Variants in MAPKAPK5 observed in about 807,000 individuals in gnomAD.
MAPKAPK5 encodes the protein MAPK activated protein kinase 5.
Under a neutral mutation model 65.1 loss-of-function variants are expected in MAPKAPK5, and 30 were observed. The observed-to-expected ratio is 0.46, with a 90% CI of 0.34 to 0.63. The LOEUF (loss-of-function observed/expected upper bound fraction) is 0.63. MAPKAPK5 is among the 20% of genes least tolerant of loss of function. MAPKAPK5 has a pLI of 0.01. For synonymous variants in MAPKAPK5, 179 were observed against 204.6 expected (o/e 0.87, Z 1.07); for missense variants, 433 against 581.4 (o/e 0.74, Z 2.63).
chr12:111,864,659 T>C (rs1263528681), intron 1 of MAPKAPK5, among the ~76,000 whole-genome samples: 1 of 152,236 alleles, frequency 6.6e-6, no homozygotes, highest in African/African-American at 2.4e-5. Flanking sequence ...TTGAAAGTTA[T>C]TTATATCAGA....
chr12:111,885,706 TC>T (rs2070377671), intron 9 of MAPKAPK5: 3 of 531,422 alleles, frequency 5.6e-6, no homozygotes, highest in Admixed American at 6.4e-5. Context: ...CATTTTAATC[TC>T]ACTTTTTCCA....
At chr12:111,880,974 ACC>A (rs2070185958) in intron 8 of MAPKAPK5, among the ~76,000 whole-genome samples, 1 of 152,162 alleles carries the variant, frequency 6.6e-6, no homozygotes, top group Admixed American at 6.5e-5. Context: ...ATTCTTTGTT[ACC>A]CCATAAAACA....
At chr12:111,844,202 T>A (rs935432301) in intron 1 of MAPKAPK5, among the ~76,000 whole-genome samples, 1 of 151,508 alleles carries the variant, frequency 6.6e-6, no homozygotes, top group Non-Finnish European at 1.5e-5. Context: ...GTTTTGTTTT[T>A]TTTTTTGAGT....
At chr12:111,885,478 G>A (rs1351569399) in intron 9 of MAPKAPK5, 2 of 155,076 alleles carry the variant, frequency 1.3e-5, no homozygotes, top group Non-Finnish European at 2.9e-5. Context: ...TTTATATTGG[G>A]TAGCAACCTG....
In MAPKAPK5 at chr12:111,898,917, G is replaced by A. The variant is rs937394222; in HGVS notation, c.*5856G>A. Reference sequence around the variant, plus strand: ...GATATCAAGTTGTGTGGCCTGAGCTGAGGATAAAGAATAATTTGCCTGAGG... The same window carrying A: ...GATATCAAGTTGTGTGGCCTGAGCTAAGGATAAAGAATAATTTGCCTGAGG... On this transcript the variant is annotated 3_prime_UTR_variant, in exon 14 of 14. Coordinates refer to ENST00000550735, the MANE Select transcript of MAPKAPK5 (RefSeq NM_003668.4). 6.6e-6 allele frequency: 1 copy of A among 151,056 alleles called. No individual in the cohort carries two copies. The highest frequency in any genetic ancestry group is 1.5e-5 in the Non-Finnish European group (1 of 67,970). The allele number at this position is 151,056 out of a possible 1,614,324, so 9.4% of individuals were successfully genotyped here. A position where few individuals can be genotyped will look rare whatever the true frequency, so the allele number is the denominator to read the frequency against.
At chr12:111,853,714 T>C (rs1213857683) in intron 1 of MAPKAPK5, among the ~76,000 whole-genome samples, 2 of 152,066 alleles carry the variant, frequency 1.3e-5, no homozygotes, top group African/African-American at 2.4e-5. Context: ...TTTATCTGTT[T>C]AGTAGAGATG....
At chr12:111,882,101 C>A (rs1205127845) in intron 8 of MAPKAPK5, among the ~76,000 whole-genome samples, 2 of 152,186 alleles carry the variant, frequency 1.3e-5, no homozygotes, top group Non-Finnish European at 2.9e-5. Context: ...CATGGGCAGG[C>A]CTGGCGCAGT....
intron 7 of MAPKAPK5, among the ~76,000 whole-genome samples, chr12:111,878,627 G>A (rs181363832): frequency 6.6e-6 from 1 of 152,002 alleles, no homozygotes; most frequent in African/African-American, 2.4e-5. Context: ...CACCATGTTA[G>A]CCAGGATAGT....
chr12:111,876,759 T>C (rs1209977205), intron 7 of MAPKAPK5, among the ~76,000 whole-genome samples: 3 of 152,110 alleles, frequency 2.0e-5, no homozygotes, highest in Non-Finnish European at 4.4e-5. Context: ...TCATCCTTTT[T>C]TTTCTTTCTG....
chr12:111,891,676 A>G (rs571634487), intron 13 of MAPKAPK5, among the ~76,000 whole-genome samples: 26 of 150,656 alleles, frequency 1.7e-4, no homozygotes, highest in Middle Eastern at 3.5e-3. Flanking sequence ...GCATGGTGGC[A>G]TGCGCCTGTA....
rs778121123 is a variant in MAPKAPK5 at position 111,900,968 on chromosome 12, C to T, written c.*7907C>T. On this transcript the variant is annotated 3_prime_UTR_variant, in exon 14 of 14. Transcript: ENST00000550735. ...ACAGCAAAGGGGACCAATTTGGAAA[C>T]TGTGGCATTTCTACCAGTCCTGGGT... The T allele has an allele frequency of 2.2e-6, 1 of 456,094 alleles. No homozygotes were observed. Among genetic ancestry groups the T allele is most frequent in the South Asian group, 1.5e-5 (1 of 64,560 alleles). The allele number at this position is 456,094 out of a possible 1,614,324, so 28.3% of individuals were successfully genotyped here. A position where few individuals can be genotyped will look rare whatever the true frequency, so the allele number is the denominator to read the frequency against.
At chr12:111,892,075 G>A (rs375808104) in intron 13 of MAPKAPK5, among the ~76,000 whole-genome samples, 1 of 152,136 alleles carries the variant, frequency 6.6e-6, no homozygotes. Context: ...GTTCTTTTAT[G>A]TCTGGCTTCT....
In MAPKAPK5 at chr12:111,883,543, C is replaced by G; in HGVS notation, c.661-38C>G. On this transcript the variant is annotated intron_variant, in intron 8 of 13. Transcript: ENST00000550735. The surrounding 1 kb of genome is among the most constrained non-coding windows in gnomAD (Gnocchi z 4.8). ...ATGGGGTGTTTATTTGGGGGCTCTG[C>G]TTCTGCTGTGAGTGACCATTTTCTT... The G allele has an allele frequency of 5.6e-6, 9 of 1,593,266 alleles. No homozygotes were observed. Among genetic ancestry groups the G allele is most frequent in the Non-Finnish European group, 7.7e-6 (9 of 1,166,458 alleles).
intron 8 of MAPKAPK5, among the ~76,000 whole-genome samples, chr12:111,880,740 T>C (rs1172290708): frequency 6.6e-6 from 1 of 152,218 alleles, no homozygotes; most frequent in Admixed American, 6.5e-5. Flanking sequence ...CAGAAAAGTA[T>C]TTGGAATTCA....
chr12:111,850,314 A>G (rs2069037035), intron 1 of MAPKAPK5, among the ~76,000 whole-genome samples: 1 of 152,210 alleles, frequency 6.6e-6, no homozygotes, highest in African/African-American at 2.4e-5. Flanking sequence ...GGCATGAGCA[A>G]CTGTGCCTGG....
intron 7 of MAPKAPK5, among the ~76,000 whole-genome samples, chr12:111,874,912 C>A (rs1689643626): frequency 6.8e-6 from 1 of 146,840 alleles, no homozygotes; most frequent in Non-Finnish European, 1.5e-5. Flanking sequence ...GTAGCTGGGA[C>A]TACAGGCGCC....
Position 111,900,076 on chromosome 12 carries a change from G to A in MAPKAPK5, c.*7015G>A, listed in dbSNP as rs777194338. The A allele has an allele frequency of 2.2e-6, 1 of 456,076 alleles. No homozygotes were observed. 28.3% of individuals were successfully genotyped at this position (456,076 alleles called of 1,614,324 possible). A position where few individuals can be genotyped will look rare whatever the true frequency, so the allele number is the denominator to read the frequency against. On this transcript the variant is annotated 3_prime_UTR_variant, in exon 14 of 14. Transcript: ENST00000550735. The stretch of plus-strand genomic sequence containing the variant: ...GCTCTGGCCAACAGCTTCACTAGGG[G>A]AATAAACACAGAGGTGGTGCTGGCT...
At chr12:111,859,862 T>G (rs2069372758) in intron 1 of MAPKAPK5, among the ~76,000 whole-genome samples, 1 of 151,826 alleles carries the variant, frequency 6.6e-6, no homozygotes, top group Non-Finnish European at 1.5e-5. Context: ...TTGGTCAGGC[T>G]GGTCTCGAAC....
Position 111,876,161 on chromosome 12 carries a change from T to C in MAPKAPK5, c.580-4286T>C, listed in dbSNP as rs190833130. Among the ~76,000 whole-genome samples the C allele has an allele frequency of 2.1e-5, 3 of 140,466 alleles. No individual in the cohort carries two copies. The East Asian group carries it at 6.4e-4, about 30-fold the overall frequency. 92.2% of individuals were successfully genotyped at this position (140,466 alleles called of 152,430 possible). On this transcript the variant is annotated intron_variant, in intron 7 of 13. Coordinates refer to ENST00000550735, the MANE Select transcript of MAPKAPK5 (RefSeq NM_003668.4). ...GGTGGAGGTTGCAGTGAACAAAGATTGAGCCATTGCACTCCAGCCTGGTGA... is the reference window on the plus strand; with the variant it reads ...GGTGGAGGTTGCAGTGAACAAAGATCGAGCCATTGCACTCCAGCCTGGTGA...
Sources: gnomAD v4.1 joint callset for allele counts (sites outside exome capture counted in the v4.1 genomes callset) on GRCh38, gnomAD v4.1.1 for gene constraint, Gnocchi (gnomAD v3.1) non-coding constraint, MANE v1.5 for transcripts, NCBI Gene and HGNC (gene_info 2026-07-23, HGNC 2026-07-21) for gene names.